RTN1: variants seen among roughly 807,000 people sequenced by gnomAD.
RTN1 encodes reticulon-1.
Under a neutral mutation model 65.5 loss-of-function variants are expected in RTN1, and 25 were observed. The observed-to-expected ratio is 0.38, with a 90% CI of 0.28 to 0.53. The LOEUF is 0.53. RTN1 is among the 20% of genes least tolerant of loss of function. The pLI is 0.79. For missense variants in RTN1, 983 were observed against 1,025.4 expected, an observed-to-expected ratio of 0.96 and a Z score of 0.57; for synonymous variants, 471 against 447.6, an observed-to-expected ratio of 1.05 and a Z score of -0.66.
At chr14:59,866,867 T>A (rs1887807730) in intron 1 of RTN1, among the ~76,000 whole-genome samples, 1 of 152,202 alleles carries the variant, frequency 6.6e-6, no homozygotes, top group African/African-American at 2.4e-5. Flanking sequence ...AGACAGTTAA[T>A]CTAGCCTCCA....
intron 1 of RTN1, among the ~76,000 whole-genome samples, chr14:59,841,601 G>A (rs759897128): frequency 1.3e-5 from 2 of 151,962 alleles, no homozygotes; most frequent in African/African-American, 2.4e-5. Context: ...CAGCTACTTG[G>A]GAGGCTGAGG....
Position 59,870,427 on chromosome 14 carries a change from G to C in RTN1, c.204C>G (p.Ala68=). The stretch of plus-strand genomic sequence containing the variant: ...TTTCCATGGCAACGGGCGACTGCCG[G>C]GCGGGGCCCGAGCCGGCTTCCCGCG... ...AASREAGSGP[A]RQSPVAMETA... is the part of the protein sequence containing the mutation. Residue 68 remains alanine (A), a synonymous_variant, in exon 1 of 9, where the codon GCC becomes GCG. Coordinates refer to ENST00000267484, the MANE Select transcript of RTN1 (RefSeq NM_021136.3). The surrounding 1 kb of genome is among the most constrained non-coding windows in gnomAD (Gnocchi z 5.1). 1 of 1,521,380 alleles carries C rather than the reference G, an allele frequency of 6.6e-7. No individual in the cohort carries two copies. The highest frequency in any genetic ancestry group is 8.7e-7 in the Non-Finnish European group (1 of 1,146,534). The allele number at this position is 1,521,380 out of a possible 1,614,324, so 94.2% of individuals were successfully genotyped here.
intron 1 of RTN1, among the ~76,000 whole-genome samples, chr14:59,767,871 A>T (rs1187061677): frequency 2.0e-5 from 3 of 152,226 alleles, no homozygotes; most frequent in Admixed American, 6.5e-5. Flanking sequence ...ATAGTATCTG[A>T]TCGCTCTGAA....
chr14:59,714,232 T>TAA (rs66785056), intron 3 of RTN1, among the ~76,000 whole-genome samples: 6 of 127,996 alleles, frequency 4.7e-5, no homozygotes, highest in African/African-American at 5.5e-5. Context: ...AGACTCCGTC[T>TAA]AAAAAAAAAA....
chr14:59,677,515 G>C (rs995771228), intron 3 of RTN1, among the ~76,000 whole-genome samples: 1 of 152,152 alleles, frequency 6.6e-6, no homozygotes, highest in African/African-American at 2.4e-5. Flanking sequence ...ATCTCAAGGA[G>C]TCAAATACTG....
At chr14:59,763,794 G>T (rs1302954939) in intron 1 of RTN1, among the ~76,000 whole-genome samples, 3 of 152,098 alleles carry the variant, frequency 2.0e-5, no homozygotes, top group African/African-American at 7.2e-5. Context: ...GCCTCCCAAA[G>T]TGCTGGGATT....
intron 3 of RTN1, among the ~76,000 whole-genome samples, chr14:59,706,854 G>A (rs1350882726): frequency 6.6e-6 from 1 of 152,194 alleles, no homozygotes; most frequent in East Asian, 1.9e-4. Flanking sequence ...AGGATTGACA[G>A]GATTTGTAGC....
At chr14:59,822,375 A>T (rs1444703727) in intron 1 of RTN1, among the ~76,000 whole-genome samples, 1 of 152,004 alleles carries the variant, frequency 6.6e-6, no homozygotes, top group Non-Finnish European at 1.5e-5. Context: ...GTCATTTCTG[A>T]TATGTTTATT....
At chr14:59,844,938 G>A (rs1887378966) in intron 1 of RTN1, among the ~76,000 whole-genome samples, 1 of 152,064 alleles carries the variant, frequency 6.6e-6, no homozygotes, top group African/African-American at 2.4e-5. Flanking sequence ...AATATTTACG[G>A]ATGACAAATA....
chr14:59,667,669 T>C (rs1455980496), intron 3 of RTN1, among the ~76,000 whole-genome samples: 1 of 152,194 alleles, frequency 6.6e-6, no homozygotes, highest in East Asian at 1.9e-4. Context: ...GAAGTCGAAT[T>C]GTCCCTGTTT....
rs554633746 is a variant in RTN1 at position 59,802,722 on chromosome 14, G to A, written c.242-56241C>T. 9.9e-5 allele frequency among the ~76,000 whole-genome samples: 15 copies of A among 152,120 alleles called. No individual in the cohort carries two copies. In the South Asian group the frequency reaches 3.1e-3, roughly 32 times the overall value. On this transcript the variant is annotated intron_variant, in intron 1 of 8. Transcript: ENST00000267484. ...GATAGCTCAAGAATTTTACCACTGG[G>A]GAAGCATCACAGGTTTTATTTTCCC...
At position 59,603,022 on chromosome 14, in the gene RTN1, G is replaced by GT. The variant is rs1359673960; in HGVS notation, c.2288+42dup. ...TATCCTAATCCACTCAAATGCTGAT[G>GT]TAAGAGAGTCTCTCCTTTTATGCAT... On this transcript the variant is annotated intron_variant, in intron 8 of 8. Transcript: ENST00000267484. 4.6e-6 allele frequency: 7 copies of GT among 1,531,490 alleles called. No individual in the cohort carries two copies. In the South Asian group the frequency reaches 5.7e-5, roughly 12 times the overall value. The allele number at this position is 1,531,490 out of a possible 1,614,324, so 94.9% of individuals were successfully genotyped here. A position where few individuals can be genotyped will look rare whatever the true frequency, so the allele number is the denominator to read the frequency against.
At chr14:59,642,607 T>C (rs540487883) in intron 3 of RTN1, among the ~76,000 whole-genome samples, 1 of 152,226 alleles carries the variant, frequency 6.6e-6, no homozygotes, top group African/African-American at 2.4e-5. Flanking sequence ...TTAAACATAG[T>C]CAATTAAGTC....
chr14:59,814,176 G>A (rs1337376266), intron 1 of RTN1, among the ~76,000 whole-genome samples: 1 of 152,144 alleles, frequency 6.6e-6, no homozygotes, highest in African/African-American at 2.4e-5. Context: ...TGGCAGAAGA[G>A]AGAAAAGTGA....
intron 3 of RTN1, among the ~76,000 whole-genome samples, chr14:59,648,708 G>T (rs1230923660): frequency 6.6e-6 from 1 of 152,132 alleles, no homozygotes; most frequent in Non-Finnish European, 1.5e-5. Context: ...TTCAATAGAT[G>T]CAGAAAAACT....
Position 59,657,981 on chromosome 14 carries a change from C to T in RTN1, c.1766-50489G>A, listed in dbSNP as rs1883158470. On this transcript the variant is annotated intron_variant, in intron 3 of 8. Transcript: ENST00000267484. ...TCTGACCCCCAAGGAGCCCAGCAAG[C>T]TAAGATTTCCTGGCTTGAAATTCTC... Among the ~76,000 whole-genome samples the T allele has an allele frequency of 2.0e-5, 3 of 152,332 alleles. No individual in the cohort carries two copies. In the South Asian group the frequency reaches 6.2e-4, roughly 32 times the overall value.
chr14:59,782,399 T>C (rs1051594267), intron 1 of RTN1, among the ~76,000 whole-genome samples: 1 of 152,234 alleles, frequency 6.6e-6, no homozygotes, highest in Non-Finnish European at 1.5e-5. Context: ...ATCCTTGGTT[T>C]TGAACTTTTC....
At chr14:59,799,776 C>G (rs1315379683) in intron 1 of RTN1, among the ~76,000 whole-genome samples, 3 of 152,114 alleles carry the variant, frequency 2.0e-5, no homozygotes, top group Non-Finnish European at 4.4e-5. Context: ...AGACTCTTCT[C>G]TCCTAGGAAA....
At chr14:59,667,208 C>G (rs906262340) in intron 3 of RTN1, among the ~76,000 whole-genome samples, 1 of 152,110 alleles carries the variant, frequency 6.6e-6, no homozygotes, top group Non-Finnish European at 1.5e-5. Flanking sequence ...TGAAAATCCT[C>G]AATAAAATAC....
Sources: allele counts gnomAD v4.1 joint callset (sites outside exome capture counted in the v4.1 genomes callset), GRCh38; gene constraint gnomAD v4.1.1; non-coding constraint Gnocchi (gnomAD v3.1); transcripts MANE v1.5; gene names NCBI Gene and HGNC (gene_info 2026-07-23, HGNC 2026-07-21).